Variants in MXI1 observed in about 807,000 individuals in gnomAD.
MXI1 encodes max-interacting protein 1.
Under a neutral mutation model 36.9 loss-of-function variants are expected in MXI1, and 18 were observed. That is an observed-to-expected ratio of 0.49 (90% CI 0.34 to 0.72). The LOEUF (loss-of-function observed/expected upper bound fraction) is 0.72. MXI1 is among the 30% of genes least tolerant of loss of function. MXI1 has a pLI of 0.01. For synonymous variants in MXI1, 160 were observed against 146.7 expected (o/e 1.09, Z -0.65); for missense variants, 304 against 379.1 (o/e 0.80, Z 1.64).
chr10:110,256,985 A>G (rs1454487338), intron 3 of MXI1: 1 of 152,224 alleles, frequency 6.6e-6, no homozygotes, highest in Non-Finnish European at 1.5e-5. Context: ...TAATGGAGAA[A>G]GATTAGTCTC....
intron 1 of MXI1, among the ~76,000 whole-genome samples, chr10:110,217,646 T>G (rs1470418365): frequency 1.3e-5 from 2 of 152,248 alleles, no homozygotes; most frequent in Admixed American, 1.3e-4. Flanking sequence ...TTTGTTGAAC[T>G]GAGCTAAGTT....
intron 2 of MXI1, among the ~76,000 whole-genome samples, chr10:110,239,506 T>A (rs1855590426): frequency 1.3e-5 from 2 of 152,202 alleles, no homozygotes; most frequent in African/African-American, 4.8e-5. Flanking sequence ...AATTTGTTCT[T>A]TGAGCTGTGA....
intron 1 of MXI1, among the ~76,000 whole-genome samples, chr10:110,221,114 C>G (rs1323536646): frequency 6.6e-6 from 1 of 152,136 alleles, no homozygotes; most frequent in African/African-American, 2.4e-5. Flanking sequence ...TGATGGCAAC[C>G]TTTCCTTGGG....
rs1313726367 is a variant in MXI1 at position 110,244,341 on chromosome 10, G to C, written c.408-487G>C. 3.9e-5 allele frequency among the ~76,000 whole-genome samples: 6 copies of C among 151,946 alleles called. No homozygotes were observed. In the Middle Eastern group the frequency reaches 0.014, roughly 345 times the overall value. On this transcript the variant is annotated intron_variant, in intron 2 of 5. Coordinates refer to ENST00000332674, the MANE Select transcript of MXI1 (RefSeq NM_130439.3). ...TCACAAAATAAGGTGGGAAGACTTG[G>C]ATTTGCCTGTATCACTAAGCAGTAA... is the stretch of plus-strand genomic sequence containing the variant.
At chr10:110,263,708 C>CT (rs1422669160) in intron 3 of MXI1, among the ~76,000 whole-genome samples, 1 of 152,174 alleles carries the variant, frequency 6.6e-6, no homozygotes, top group African/African-American at 2.4e-5. Flanking sequence ...TTTCAGCTTG[C>CT]TTTTCGAGAT....
chr10:110,254,218 AT>A (rs1856201813), intron 3 of MXI1, among the ~76,000 whole-genome samples: 2 of 152,044 alleles, frequency 1.3e-5, no homozygotes, highest in Non-Finnish European at 2.9e-5. Context: ...GATTTTTGCA[AT>A]ATTTTAAACT....
chr10:110,248,349 A>C (rs1855949455), intron 3 of MXI1, among the ~76,000 whole-genome samples: 2 of 152,236 alleles, frequency 1.3e-5, no homozygotes, highest in African/African-American at 2.4e-5. Context: ...GTATAAAAAA[A>C]AAAATCTTTG....
intron 5 of MXI1, among the ~76,000 whole-genome samples, chr10:110,282,603 C>T (rs111829472): frequency 0.05 from 7,670 of 152,180 alleles, 284 homozygotes; most frequent in Middle Eastern, 0.15. Context: ...TGTACCCACC[C>T]CAACTACCTC....
At chr10:110,214,619 C>T (rs1854583369) in intron 1 of MXI1, among the ~76,000 whole-genome samples, 1 of 151,904 alleles carries the variant, frequency 6.6e-6, no homozygotes, top group African/African-American at 2.4e-5. Context: ...ATCCCCCTGC[C>T]TCCCTACCCC....
chr10:110,258,883 G>A (rs1856407168), intron 3 of MXI1, among the ~76,000 whole-genome samples: 1 of 151,810 alleles, frequency 6.6e-6, no homozygotes, highest in African/African-American at 2.4e-5. Context: ...CCTGACCTAG[G>A]TTACATATAC....
chr10:110,283,166 T>A (rs1360963230), intron 5 of MXI1, among the ~76,000 whole-genome samples: 1 of 152,190 alleles, frequency 6.6e-6, no homozygotes, highest in Non-Finnish European at 1.5e-5. Flanking sequence ...TTTAAAAACA[T>A]CTCTAGAATC....
chr10:110,218,330 G>C (rs1345727375), intron 1 of MXI1, among the ~76,000 whole-genome samples: 2 of 151,928 alleles, frequency 1.3e-5, no homozygotes, highest in African/African-American at 4.8e-5. Flanking sequence ...GGCGCCTGTA[G>C]TCCCAGCTAC....
intron 3 of MXI1, among the ~76,000 whole-genome samples, chr10:110,254,973 T>TGC (rs1856233870): frequency 6.6e-6 from 1 of 151,968 alleles, no homozygotes; most frequent in African/African-American, 2.4e-5. Flanking sequence ...TGGCAACAGA[T>TGC]TTTCAAAGTA....
At chr10:110,248,355 C>A (rs926470986) in intron 3 of MXI1, among the ~76,000 whole-genome samples, 17 of 151,956 alleles carry the variant, frequency 1.1e-4, no homozygotes, top group Non-Finnish European at 4.4e-5. Context: ...AAAAAAAAAT[C>A]TTTGATTCAG....
intron 1 of MXI1, among the ~76,000 whole-genome samples, chr10:110,216,671 T>TTG (rs1854650173): frequency 3.3e-5 from 3 of 91,346 alleles, no homozygotes; most frequent in Admixed American, 1.1e-4. Context: ...TAATGTTTTT[T>TTG]TTTTTTTTTT....
chr10:110,261,083 G>T, intron 3 of MXI1: 1 of 985,090 alleles, frequency 1.0e-6, no homozygotes, highest in Non-Finnish European at 1.2e-6. Flanking sequence ...ACAAAACAAG[G>T]AGCACAGCTT....
Position 110,284,976 on chromosome 10 carries a change from T to A in MXI1, c.877T>A (p.Phe293Ile). 1 of 1,612,276 alleles carries A rather than the reference T, an allele frequency of 6.2e-7. No homozygotes were observed. The highest frequency in any genetic ancestry group is 1.1e-5 in the South Asian group (1 of 90,578). Reference sequence around the variant, plus strand: ...CTCCAGTGCCAGTGTCAAACTTTCATTCACTTCATAGAACCCAGCATGACA... The same window carrying A: ...CTCCAGTGCCAGTGTCAAACTTTCAATCACTTCATAGAACCCAGCATGACA... ...GYSSASVKLS[F>I]TS Residue 293 changes from phenylalanine to isoleucine, a missense_variant, in exon 6 of 6, where the codon TTC becomes ATC. Transcript: ENST00000332674.
Position 110,285,190 on chromosome 10 carries a change from C to T in MXI1, c.*203C>T. 2.4e-6 allele frequency: 1 copy of T among 409,238 alleles called. No individual in the cohort carries two copies. The highest frequency in any genetic ancestry group is 4.2e-6 in the Non-Finnish European group (1 of 236,082). The allele number at this position is 409,238 out of a possible 1,614,324, so 25.4% of individuals were successfully genotyped here. A position where few individuals can be genotyped will look rare whatever the true frequency, so the allele number is the denominator to read the frequency against. ...GTGGGGCAGAGCCTCCCAAGGAGAA[C>T]AAATATTCAGAATATTCATATTGGA... On this transcript the variant is annotated 3_prime_UTR_variant, in exon 6 of 6. Transcript: ENST00000332674.
At chr10:110,260,248 G>C (rs1856461947) in intron 3 of MXI1, among the ~76,000 whole-genome samples, 1 of 151,958 alleles carries the variant, frequency 6.6e-6, no homozygotes, top group African/African-American at 2.4e-5. Context: ...CCACTTCTTG[G>C]AGTCTTGCTT....
Sources: gnomAD v4.1 joint callset for allele counts (sites outside exome capture counted in the v4.1 genomes callset) on GRCh38, gnomAD v4.1.1 for gene constraint, MANE v1.5 for transcripts, NCBI Gene and HGNC (gene_info 2026-07-23, HGNC 2026-07-21) for gene names.